Variants in MICAL1 observed in about 807,000 individuals in gnomAD.
The protein encoded by MICAL1 is microtubule associated monooxygenase, calponin and LIM domain containing 1, also known as [F-actin]-monooxygenase MICAL1.
A neutral mutation model predicts 131.8 loss-of-function variants in MICAL1; 95 were observed. That is an observed-to-expected ratio of 0.72 (90% confidence interval 0.61 to 0.86). The LOEUF (loss-of-function observed/expected upper bound fraction) is 0.86. MICAL1 is among the 40% of genes least tolerant of loss of function. MICAL1 has a pLI of 0.00. For missense variants in MICAL1, 1,292 were observed against 1,380.6 expected (o/e 0.94, Z 1.02); for synonymous variants, 546 against 554.2 (o/e 0.99, Z 0.21).
rs1225583483 is a variant in MICAL1 at position 109,455,335 on chromosome 6, C to CG, written c.-44+383dup. 6.6e-6 allele frequency among the ~76,000 whole-genome samples: 1 copy of CG among 152,130 alleles called. No individual in the cohort carries two copies. Among genetic ancestry groups the CG allele is most frequent in the Non-Finnish European group, 1.5e-5 (1 of 68,026 alleles). On this transcript the variant is annotated intron_variant, in intron 1 of 24. Transcript: ENST00000358807. The surrounding 1 kb of genome is among the most constrained non-coding windows in gnomAD (Gnocchi z 4.7). ...GACAGGAGATGAAAGCCTCCCGCTG[C>CG]GGGTGGCCCGGACGAGGGCAGACGG...
upstream of MICAL1, chr6:109,455,906 GC>G (rs1374028820): frequency 1.0e-6 from 1 of 985,326 alleles, no homozygotes; most frequent in African/African-American, 1.7e-5. The surrounding 1 kb of genome is among the most constrained non-coding windows in gnomAD (Gnocchi z 4.7). Context: ...GGCGCGGGGC[GC>G]CGCCCGGGCT....
At chr6:109,451,513 C>G in intron 7 of MICAL1, 87 bp downstream of exon 7, 1 of 1,523,046 alleles carries the variant, frequency 6.6e-7, no homozygotes, top group Non-Finnish European at 8.9e-7. Context: ...ACGGGGTCCC[C>G]ACACCCAGGT....
chr6:109,454,637 C>T, intron 1 of MICAL1: 1 of 220,708 alleles, frequency 4.5e-6, no homozygotes, highest in Non-Finnish European at 9.2e-6. Flanking sequence ...GCATGCAACA[C>T]AGGGACAGAT....
At chr6:109,449,119 G>C (rs904073102) in intron 11 of MICAL1, 1 of 662,776 alleles carries the variant, frequency 1.5e-6, no homozygotes. Context: ...CCACATAGAG[G>C]GCAGCAGACT....
At position 109,452,274 on chromosome 6, in the gene MICAL1, G is replaced by T. The variant is rs755264344; in HGVS notation, c.804C>A (p.Ser268Arg). The change falls in exon 6 of 25, where the codon AGC (serine) becomes AGA (arginine). Residue 268 changes from serine (S) to arginine (R), a missense_variant. Transcript: ENST00000358807. ...TGGCTTTGAGAAGGCTCTGGAAGAA[G>T]CTCTGGTTGTAGATCCTGGCTACAC... is the stretch of plus-strand genomic sequence containing the variant. ...ISGVARIYNQSFFQSLLKATG... is the reference protein window; with the variant it reads ...ISGVARIYNQRFFQSLLKATG... The T allele has an allele frequency of 6.2e-7, 1 of 1,613,984 alleles. No homozygotes were observed. The highest frequency in any genetic ancestry group is 1.1e-5 in the South Asian group (1 of 91,080).
chr6:109,453,230 G>C (rs773559636), intron 4 of MICAL1, 33 bp downstream of exon 4: 1 of 1,542,616 alleles, frequency 6.5e-7, no homozygotes, highest in Non-Finnish European at 9.0e-7. Context: ...TGATGGGGGA[G>C]GGGGAGATTC....
chr6:109,449,734 G>C lies in MICAL1; in HGVS notation c.1357C>G (p.Arg453Gly). The C allele has an allele frequency of 6.2e-7, 1 of 1,605,722 alleles. No homozygotes were observed. Among genetic ancestry groups the C allele is most frequent in the Non-Finnish European group, 8.5e-7 (1 of 1,175,922 alleles). ...LSQTSPENMH[R>G]NVAQYGLDPA... ...TCCAGCCCATACTGGGCCACATTGC[G>C]ATGCATGTTTTCTGGGGATGTCTGT... Residue 453 changes from arginine (R) to glycine (G), a missense_variant, in exon 10 of 25, where the codon CGC becomes GGC. Arg to Gly is a moderately radical substitution (Grantham distance 125). Coordinates refer to ENST00000358807, the MANE Select transcript of MICAL1 (RefSeq NM_022765.4).
rs777058784 is a variant in MICAL1 at position 109,448,198 on chromosome 6, G to A, written c.1855+5C>T. 37 of 1,592,402 alleles carry A rather than the reference G, an allele frequency of 2.3e-5. No individual in the cohort carries two copies. Among genetic ancestry groups the A allele is most frequent in the Non-Finnish European group, 3.1e-5 (36 of 1,172,494 alleles). ...GTTATCCTGCCCGCCTTTCCTTCAG[G>A]TCACCTGGGCTGTGGGCCATGCTCT... On this transcript the variant is annotated splice_donor_5th_base_variant and intron_variant, in intron 13 of 24. Coordinates refer to ENST00000358807, the MANE Select transcript of MICAL1 (RefSeq NM_022765.4).
chr6:109,451,722 C>T lies in MICAL1; in HGVS notation c.833-22G>A, dbSNP rs754734634. The T allele has an allele frequency of 1.2e-5, 20 of 1,612,776 alleles. No individual in the cohort carries two copies. In the South Asian group the frequency reaches 2.1e-4, roughly 17 times the overall value. On this transcript the variant is annotated intron_variant, in intron 6 of 24. Coordinates refer to ENST00000358807, the MANE Select transcript of MICAL1 (RefSeq NM_022765.4). Reference sequence around the variant, plus strand: ...ATGCCTGGGGGTACAGGGCAGGGGACAGTAGATATGTCTCCTGATAATGCA... The same window carrying T: ...ATGCCTGGGGGTACAGGGCAGGGGATAGTAGATATGTCTCCTGATAATGCA...
chr6:109,452,098 G>A, intron 6 of MICAL1, 148 bp downstream of exon 6: 4 of 1,438,812 alleles, frequency 2.8e-6, no homozygotes, highest in Non-Finnish European at 3.6e-6. Context: ...AATCCCTGAG[G>A]GGACAGGTTC....
At chr6:109,449,905 G>C in intron 9 of MICAL1, 65 bp downstream of exon 9, 1 of 1,595,152 alleles carries the variant, frequency 6.3e-7, no homozygotes. Context: ...CAGCACCCCT[G>C]CCCCTCTTCC....
chr6:109,461,862 C>G (rs1246328206), intron 1 of MICAL1, among the ~76,000 whole-genome samples: 1 of 152,104 alleles, frequency 6.6e-6, no homozygotes, highest in Non-Finnish European at 1.5e-5. Context: ...CTGGTTCTAC[C>G]ACTTACTGTA....
At chr6:109,458,520 C>T (rs530031837), upstream of MICAL1, among the ~76,000 whole-genome samples, 501 of 152,252 alleles carry the variant, frequency 3.3e-3, 2 homozygotes, top group African/African-American at 0.012. Flanking sequence ...CGCTTGAACT[C>T]GGGAGGTGGA....
Position 109,444,921 on chromosome 6 carries a change from C to A in MICAL1, c.2956G>T (p.Ala986Ser). ...QLVDKKNSLVAEEAELMITVQ... is the reference protein window; with the variant it reads ...QLVDKKNSLVSEEAELMITVQ... ...GTGATCATGAGCTCGGCCTCCTCAG[C>A]CACCAGGCTGTTTTTCTTGTCAACG... Residue 986 changes from alanine (A) to serine (S), a missense_variant, in exon 23 of 25, where the codon GCT becomes TCT. Coordinates refer to ENST00000358807, the MANE Select transcript of MICAL1 (RefSeq NM_022765.4). 1 of 1,614,192 alleles carries A rather than the reference C, an allele frequency of 6.2e-7. No individual in the cohort carries two copies. Among genetic ancestry groups the A allele is most frequent in the Non-Finnish European group, 8.5e-7 (1 of 1,180,034 alleles).
chr6:109,452,947 A>G (rs2115338034), intron 4 of MICAL1, among the ~76,000 whole-genome samples: 1 of 152,286 alleles, frequency 6.6e-6, no homozygotes, highest in South Asian at 2.1e-4. Context: ...ACTTGAGGTC[A>G]GTAGTTCGAG....
At chr6:109,465,619 T>A in intron 1 of MICAL1, 1 of 1,532,838 alleles carries the variant, frequency 6.5e-7, no homozygotes, top group South Asian at 1.2e-5. Flanking sequence ...CAGATTAAAA[T>A]GAAAACCATT....
chr6:109,449,048 CTT>C lies in MICAL1; in HGVS notation c.1517-171_1517-170del, dbSNP rs1343897873. On this transcript the variant is annotated intron_variant, in intron 11 of 24. Transcript: ENST00000358807. Reference sequence around the variant, plus strand: ...ATCAGCAGCTCTCCATCCCAATTCTCTTTTAAAAAAAATCTCTTTGGAATAAA... The same window carrying C: ...ATCAGCAGCTCTCCATCCCAATTCTCTTAAAAAAAATCTCTTTGGAATAAA... 6.8e-6 allele frequency: 6 copies of C among 881,688 alleles called. No individual in the cohort carries two copies. In the East Asian group the frequency reaches 1.6e-4, roughly 23 times the overall value. 54.6% of individuals were successfully genotyped at this position (881,688 alleles called of 1,614,324 possible).
In MICAL1 at chr6:109,450,476, C is replaced by T; in HGVS notation, c.1015G>A (p.Asp339Asn). The T allele has an allele frequency of 6.2e-7, 1 of 1,612,866 alleles. No individual in the cohort carries two copies. The stretch of plus-strand genomic sequence containing the variant: ...CCGAGCTTGCCATGGGTGGCAAAGT[C>T]AGCAGCTGCCCGGGTAAAGCGCTGC... The part of the protein sequence containing the change: ...ALQRFTRAAA[D>N]FATHGKLGKL... Residue 339 changes from aspartate to asparagine, a missense_variant, in exon 8 of 25, where the codon GAC becomes AAC. By Grantham distance (23) the Asp-to-Asn change is conservative (BLOSUM62 1). Transcript: ENST00000358807.
At chr6:109,449,209 G>C in intron 11 of MICAL1, 191 bp downstream of exon 11, 2 of 731,982 alleles carry the variant, frequency 2.7e-6, no homozygotes, top group Admixed American at 4.0e-5. Flanking sequence ...CATTCAGACT[G>C]GCAGCCAACT....
Sources: allele counts gnomAD v4.1 joint callset (sites outside exome capture counted in the v4.1 genomes callset), GRCh38; gene constraint gnomAD v4.1.1; non-coding constraint Gnocchi (gnomAD v3.1); transcripts MANE v1.5; gene names NCBI Gene and HGNC (gene_info 2026-07-23, HGNC 2026-07-21).